Variants in PRKCE observed in about 807,000 individuals in gnomAD.
The protein encoded by PRKCE is protein kinase C epsilon type.
Under a neutral mutation model 85.4 loss-of-function variants are expected in PRKCE, and 16 were observed. The ratio of observed to expected loss-of-function variants is 0.19; its 90% confidence interval spans 0.13 to 0.28. The LOEUF (loss-of-function observed/expected upper bound fraction) is 0.28, where lower values mean the gene tolerates loss of function less well. Ranked by LOEUF, PRKCE falls within the 10% of genes least tolerant of loss-of-function variation. The pLI is 1.00. For missense variants in PRKCE, 573 were observed against 975.2 expected, an observed-to-expected ratio of 0.59 and a Z score of 5.49; for synonymous variants, 388 against 371.5, an observed-to-expected ratio of 1.04 and a Z score of -0.51.
intron 1 of PRKCE, among the ~76,000 whole-genome samples, chr2:45,827,761 A>C (rs1440667484): frequency 6.6e-6 from 1 of 152,218 alleles, no homozygotes; most frequent in Non-Finnish European, 1.5e-5. Flanking sequence ...TTTGATATAA[A>C]ATCTAAAAGT....
intron 10 of PRKCE, among the ~76,000 whole-genome samples, chr2:46,015,398 A>G (rs899835145): frequency 2.0e-5 from 3 of 151,940 alleles, no homozygotes; most frequent in Admixed American, 2.0e-4. Context: ...ACACAATTCT[A>G]CCCATCCCCC....
chr2:45,880,624 G>A (rs564398039), intron 2 of PRKCE, among the ~76,000 whole-genome samples: 1 of 152,206 alleles, frequency 6.6e-6, no homozygotes, highest in Non-Finnish European at 1.5e-5. Flanking sequence ...CAGTGTAAAA[G>A]CAGGGAGTAT....
At chr2:45,964,725 G>A (rs1490526998) in intron 2 of PRKCE, among the ~76,000 whole-genome samples, 9 of 152,256 alleles carry the variant, frequency 5.9e-5, no homozygotes, top group Admixed American at 5.9e-4. Flanking sequence ...GTTCAACACA[G>A]TGTGCTTGGC....
chr2:46,120,626 A>G (rs895997415), intron 11 of PRKCE, among the ~76,000 whole-genome samples: 1 of 152,214 alleles, frequency 6.6e-6, no homozygotes, highest in African/African-American at 2.4e-5. Flanking sequence ...CCCTGGAGAA[A>G]TCAGATGTAG....
At chr2:46,153,844 C>T (rs867524434) in intron 13 of PRKCE, among the ~76,000 whole-genome samples, 7 of 142,482 alleles carry the variant, frequency 4.9e-5, no homozygotes, top group Middle Eastern at 7.6e-3. Flanking sequence ...TGGAGTGCAG[C>T]GGCACGATCT....
At chr2:46,154,563 C>A (rs1392127364) in intron 13 of PRKCE, among the ~76,000 whole-genome samples, 12 of 151,292 alleles carry the variant, frequency 7.9e-5, no homozygotes, top group Non-Finnish European at 1.8e-4. Flanking sequence ...CATTCACTGG[C>A]TCAGCCAAGC....
intron 1 of PRKCE, among the ~76,000 whole-genome samples, chr2:45,678,684 T>C (rs960680876): frequency 2.7e-5 from 4 of 147,854 alleles, no homozygotes; most frequent in Non-Finnish European, 5.9e-5. Context: ...TATCATGTAA[T>C]TATCTGGATT....
intron 1 of PRKCE, among the ~76,000 whole-genome samples, chr2:45,739,851 A>T (rs1682404022): frequency 6.6e-6 from 1 of 152,244 alleles, no homozygotes; most frequent in South Asian, 2.1e-4. Flanking sequence ...TGTAAATTAT[A>T]CTTGAATAAA....
At chr2:46,047,058 G>A (rs751574328) in intron 10 of PRKCE, among the ~76,000 whole-genome samples, 1 of 152,198 alleles carries the variant, frequency 6.6e-6, no homozygotes, top group African/African-American at 2.4e-5. Flanking sequence ...TAGGTCAGGA[G>A]AGGTGTATCT....
At chr2:45,711,511 G>A (rs1445215789) in intron 1 of PRKCE, among the ~76,000 whole-genome samples, 3 of 152,242 alleles carry the variant, frequency 2.0e-5, no homozygotes, top group Non-Finnish European at 2.9e-5. Flanking sequence ...AAATGAATTA[G>A]CATTTGTAAA....
chr2:46,091,540 A>G (rs1482427473), intron 11 of PRKCE, among the ~76,000 whole-genome samples: 1 of 152,172 alleles, frequency 6.6e-6, no homozygotes, highest in Non-Finnish European at 1.5e-5. Context: ...TTTGTAATCC[A>G]GAAGCCAGGA....
At chr2:45,922,166 A>G (rs939152894) in intron 2 of PRKCE, among the ~76,000 whole-genome samples, 3 of 152,218 alleles carry the variant, frequency 2.0e-5, no homozygotes, top group Non-Finnish European at 2.9e-5. Context: ...GTTGAAAGAT[A>G]GTATGAGAGT....
At chr2:45,739,731 T>C (rs1682390187) in intron 1 of PRKCE, among the ~76,000 whole-genome samples, 1 of 152,106 alleles carries the variant, frequency 6.6e-6, no homozygotes, top group African/African-American at 2.4e-5. Flanking sequence ...GCCCAGGGAA[T>C]TTTTTGAGGC....
At chr2:45,906,435 A>C (rs1696979520) in intron 2 of PRKCE, among the ~76,000 whole-genome samples, 1 of 152,236 alleles carries the variant, frequency 6.6e-6, no homozygotes, top group Admixed American at 6.5e-5. Context: ...TACATTTACT[A>C]AAGCAAAAAC....
intron 10 of PRKCE, among the ~76,000 whole-genome samples, chr2:46,030,332 T>C (rs1707428249): frequency 6.6e-6 from 1 of 152,228 alleles, no homozygotes; most frequent in Non-Finnish European, 1.5e-5. Context: ...CCAGGTCCTT[T>C]AAACCCACAT....
chr2:46,150,897 G>A (rs1676557265), intron 12 of PRKCE, 144 bp from the exon 13 acceptor site: 2 of 631,274 alleles, frequency 3.2e-6, no homozygotes, highest in Non-Finnish European at 5.2e-6. Context: ...CACTGAATTT[G>A]CTGATTTAGA....
At chr2:45,722,360 T>C (rs931394034) in intron 1 of PRKCE, among the ~76,000 whole-genome samples, 1 of 152,190 alleles carries the variant, frequency 6.6e-6, no homozygotes, top group Non-Finnish European at 1.5e-5. Context: ...TCACATGTCA[T>C]GTAGCCTCTG....
At chr2:46,081,120 T>C (rs1022605847) in intron 10 of PRKCE, among the ~76,000 whole-genome samples, 2 of 151,908 alleles carry the variant, frequency 1.3e-5, no homozygotes, top group African/African-American at 4.8e-5. Context: ...GCCTCCCAAG[T>C]AGCTGGAACT....
chr2:45,932,951 T>C (rs1471714826), intron 2 of PRKCE, among the ~76,000 whole-genome samples: 10 of 152,266 alleles, frequency 6.6e-5, no homozygotes, highest in Non-Finnish European at 1.5e-4. Flanking sequence ...GTAGCAAGTG[T>C]TAGAATTTCT....
Sources: gnomAD v4.1 joint callset for allele counts (sites outside exome capture counted in the v4.1 genomes callset) on GRCh38, gnomAD v4.1.1 for gene constraint, MANE v1.5 for transcripts, NCBI Gene and HGNC (gene_info 2026-07-23, HGNC 2026-07-21) for gene names.